Variants in FRAS1 observed in about 807,000 individuals in gnomAD.
FRAS1 encodes extracellular matrix organizing protein FRAS1.
Under a neutral mutation model 435.2 loss-of-function variants are expected in FRAS1, and 290 were observed. The ratio of observed to expected loss-of-function variants is 0.67; its 90% confidence interval spans 0.61 to 0.73. The LOEUF (loss-of-function observed/expected upper bound fraction) is 0.73. Among genes scored for constraint, FRAS1 ranks in the 30% least tolerant of loss-of-function variants. The probability of loss-of-function intolerance (pLI) is 0.00; values close to 1 mark genes in which losing one functional copy is unlikely to be tolerated. For synonymous variants in FRAS1, 1,800 were observed against 1,851.0 expected (o/e 0.97, Z 0.71); for missense variants, 4,860 against 5,001.5 (o/e 0.97, Z 0.85).
At chr4:78,221,435 TA>T (rs1052409815) in intron 2 of FRAS1, among the ~76,000 whole-genome samples, 1 of 152,198 alleles carries the variant, frequency 6.6e-6, no homozygotes, top group African/African-American at 2.4e-5. Context: ...TTAGAAACTT[TA>T]AAAAATTTGC....
intron 32 of FRAS1, among the ~76,000 whole-genome samples, chr4:78,416,601 A>G (rs775117041): frequency 2.6e-5 from 4 of 152,012 alleles, no homozygotes; most frequent in Non-Finnish European, 4.4e-5. Flanking sequence ...TGACAAGTTG[A>G]GTCTGGGATA....
intron 63 of FRAS1, 41 bp downstream of exon 63, chr4:78,509,047 G>A (rs554361779): frequency 6.2e-7 from 1 of 1,601,894 alleles, no homozygotes; most frequent in South Asian, 1.1e-5. Context: ...CTCCCTGGGA[G>A]AGAACTGGTG....
chr4:78,130,823 C>G (rs1024870071), intron 2 of FRAS1, among the ~76,000 whole-genome samples: 1 of 152,126 alleles, frequency 6.6e-6, no homozygotes, highest in Non-Finnish European at 1.5e-5. Context: ...GTTCTTAGGT[C>G]TCCTAGAAAT....
chr4:78,204,067 A>T (rs1222839475), intron 2 of FRAS1, among the ~76,000 whole-genome samples: 3 of 152,274 alleles, frequency 2.0e-5, no homozygotes, highest in African/African-American at 7.2e-5. Flanking sequence ...TTTAGGCATG[A>T]ATTATAGTGC....
In FRAS1 at chr4:78,473,542, G is replaced by A. The variant is rs930985029; in HGVS notation, c.7627G>A (p.Val2543Ile). ...GGTGAAAGACAGTAAACCCAATGTG[G>A]TCAGCGACAATGTCTTCCATATCCA... is the stretch of plus-strand genomic sequence containing the variant. ...FLVKDSKPNV[V>I]SDNVFHIQWS... The change falls in exon 53 of 74, where the codon GTC becomes ATC. Residue 2543 changes from valine to isoleucine, a missense_variant. Coordinates refer to ENST00000512123, the MANE Select transcript of FRAS1 (RefSeq NM_025074.7). 6.2e-7 allele frequency: 1 copy of A among 1,612,522 alleles called. No individual in the cohort carries two copies.
chr4:78,471,007 T>C (rs79046591), intron 51 of FRAS1, among the ~76,000 whole-genome samples: 1,815 of 152,324 alleles, frequency 0.012, 31 homozygotes, highest in African/African-American at 0.042. Flanking sequence ...CATTGTTCAC[T>C]AGAAGAAGGG....
At chr4:78,247,592 A>C (rs1725303741) in intron 4 of FRAS1, among the ~76,000 whole-genome samples, 2 of 151,870 alleles carry the variant, frequency 1.3e-5, no homozygotes, top group African/African-American at 4.8e-5. Flanking sequence ...AATTTTCTTG[A>C]GTGGGTTAAA....
At chr4:78,293,391 A>G (rs556757899) in intron 14 of FRAS1, among the ~76,000 whole-genome samples, 3 of 152,376 alleles carry the variant, frequency 2.0e-5, no homozygotes, top group African/African-American at 7.2e-5. Flanking sequence ...ATGTACAGGC[A>G]TGACTAAACT....
chr4:78,535,947 G>A (rs971668477), intron 71 of FRAS1, among the ~76,000 whole-genome samples: 4 of 151,970 alleles, frequency 2.6e-5, no homozygotes, highest in Non-Finnish European at 5.9e-5. Flanking sequence ...GTAAATGTTT[G>A]GGATGAGCAT....
intron 56 of FRAS1, among the ~76,000 whole-genome samples, chr4:78,480,571 A>G (rs1270171805): frequency 6.6e-6 from 1 of 152,146 alleles, no homozygotes; most frequent in Non-Finnish European, 1.5e-5. Context: ...TATTTAGTGT[A>G]CTGCTAGCTC....
intron 20 of FRAS1, among the ~76,000 whole-genome samples, chr4:78,340,831 T>A (rs1730370193): frequency 6.6e-6 from 1 of 152,230 alleles, no homozygotes; most frequent in Non-Finnish European, 1.5e-5. Flanking sequence ...TCCCTCCGCA[T>A]GTCCTAATCT....
intron 61 of FRAS1, among the ~76,000 whole-genome samples, chr4:78,503,428 T>A (rs1177657489): frequency 6.6e-6 from 1 of 152,224 alleles, no homozygotes; most frequent in African/African-American, 2.4e-5. Context: ...AACTTCTTCC[T>A]GGTTTAGTCT....
chr4:78,315,798 T>A (rs1476213852), intron 16 of FRAS1, 64 bp downstream of exon 16: 1 of 1,566,654 alleles, frequency 6.4e-7, no homozygotes, highest in African/African-American at 1.4e-5. Flanking sequence ...CTATACTTGG[T>A]GTTATATGTT....
Position 78,523,278 on chromosome 4 carries a change from C to T in FRAS1, c.10808+470C>T, listed in dbSNP as rs947518624. Among the ~76,000 whole-genome samples the T allele has an allele frequency of 5.9e-5, 9 of 152,254 alleles. No individual in the cohort carries two copies. The South Asian group carries it at 1.7e-3, about 28-fold the overall frequency. Reference sequence around the variant, plus strand: ...GAACTTAGTCACATGGCACACCTGCCTACAAGGGAAGCTGGGAAATGTGTC... The same window carrying T: ...GAACTTAGTCACATGGCACACCTGCTTACAAGGGAAGCTGGGAAATGTGTC... On this transcript the variant is annotated intron_variant, in intron 69 of 73. Coordinates refer to ENST00000512123, the MANE Select transcript of FRAS1 (RefSeq NM_025074.7).
At chr4:78,344,259 G>A (rs911945573) in intron 20 of FRAS1, among the ~76,000 whole-genome samples, 1 of 152,106 alleles carries the variant, frequency 6.6e-6, no homozygotes, top group Non-Finnish European at 1.5e-5. Context: ...ATAGGTGCCA[G>A]TTCTGAGGGC....
intron 20 of FRAS1, among the ~76,000 whole-genome samples, chr4:78,341,616 A>T (rs147226250): frequency 6.6e-6 from 1 of 152,290 alleles, no homozygotes; most frequent in African/African-American, 2.4e-5. Context: ...TGGCAATTTC[A>T]TATGATTTAA....
intron 2 of FRAS1, among the ~76,000 whole-genome samples, chr4:78,076,774 C>CA (rs1160331906): frequency 1.3e-5 from 2 of 152,110 alleles, no homozygotes; most frequent in African/African-American, 4.8e-5. Flanking sequence ...TAAGATAACT[C>CA]AAGTGCATAG....
At chr4:78,089,410 C>T (rs538522281) in intron 2 of FRAS1, among the ~76,000 whole-genome samples, 3 of 151,776 alleles carry the variant, frequency 2.0e-5, no homozygotes, top group Non-Finnish European at 4.4e-5. Context: ...GCACATGTAC[C>T]CTAACACTTA....
chr4:78,452,101 T>A (rs544405310), intron 46 of FRAS1, 74 bp from the exon 47 acceptor site: 1 of 1,497,416 alleles, frequency 6.7e-7, no homozygotes, highest in South Asian at 1.1e-5. Context: ...CCTTACTTCT[T>A]GGCACCAGGC....
Sources: allele counts gnomAD v4.1 joint callset (sites outside exome capture counted in the v4.1 genomes callset), GRCh38; gene constraint gnomAD v4.1.1; transcripts MANE v1.5; gene names NCBI Gene and HGNC (gene_info 2026-07-23, HGNC 2026-07-21).